Variants in SPATA31C1 observed in about 807,000 individuals in gnomAD.
The protein encoded by SPATA31C1 is SPATA31 subfamily C member 1, also known as spermatogenesis-associated protein 31C1.
chr9:87,919,474 G>GT (rs1828792189), intron 3 of SPATA31C1, 126 bp downstream of exon 2: 1 of 1,392,198 alleles, frequency 7.2e-7, no homozygotes, highest in Non-Finnish European at 9.7e-7. Context: ...AGAACCCTGG[G>GT]TCCTTCTCAG....
chr9:87,919,023 G>C (rs957329761), intron 2 of SPATA31C1: 2 of 545,686 alleles, frequency 3.7e-6, no homozygotes, highest in Non-Finnish European at 6.6e-6. Flanking sequence ...ACCTGCCTCG[G>C]CCTCCCAAAG....
exon 5 of SPATA31C1, chr9:87,922,953 G>A (rs1362415285): frequency 1.3e-6 from 2 of 1,572,794 alleles, no homozygotes; most frequent in Non-Finnish European, 1.7e-6. Flanking sequence ...AAGCCACTTT[G>A]GAGAAAACAT....
At chr9:87,922,621 T>A in exon 5 of SPATA31C1, 1 of 1,608,962 alleles carries the variant, frequency 6.2e-7, no homozygotes, top group Non-Finnish European at 8.5e-7. Flanking sequence ...GCTTCTCAAG[T>A]GCCCCAGGGC....
exon 5 of SPATA31C1, chr9:87,920,932 T>G (rs1395689205): frequency 6.2e-7 from 1 of 1,613,104 alleles, no homozygotes; most frequent in Admixed American, 1.7e-5. Context: ...TCCCAACCCT[T>G]TATTTCATCC....
At chr9:87,923,596 T>C (rs1587594380), downstream of SPATA31C1, 3 of 770,068 alleles carry the variant, frequency 3.9e-6, no homozygotes, top group African/African-American at 3.5e-5. Flanking sequence ...GAAAAGTATT[T>C]TCTCTCATGT....
exon 5 of SPATA31C1, chr9:87,922,137 T>C (rs1411680430): frequency 6.2e-7 from 1 of 1,613,710 alleles, no homozygotes; most frequent in Non-Finnish European, 8.5e-7. Flanking sequence ...CTCACCTGCA[T>C]GTAAGCAGTT....
rs764582660 is a variant in SPATA31C1 at position 87,920,509 on chromosome 9, C to T, written n.899C>T. Reference sequence around the variant, plus strand: ...CTAAGTGCCTCCCAGCCACCAGAACCTTCCCTTCTCCTAGAACGCCCCTCA... The same window carrying T: ...CTAAGTGCCTCCCAGCCACCAGAACTTTCCCTTCTCCTAGAACGCCCCTCA... On this transcript the variant is annotated non_coding_transcript_exon_variant, in exon 5 of 5. Coordinates refer to ENST00000420021, the Ensembl canonical transcript of SPATA31C1. The T allele has an allele frequency of 8.7e-6, 14 of 1,613,834 alleles. No individual in the cohort carries two copies. The East Asian group carries it at 2.0e-4, about 23-fold the overall frequency.
chr9:87,917,067 T>C (rs1387090966), intron 1 of SPATA31C1, among the ~76,000 whole-genome samples: 7 of 132,028 alleles, frequency 5.3e-5, no homozygotes, highest in African/African-American at 1.6e-4. Context: ...AGTACATAAA[T>C]AGAATTTTAA....
chr9:87,916,754 T>C (rs1373752561), intron 1 of SPATA31C1, among the ~76,000 whole-genome samples: 2 of 100,562 alleles, frequency 2.0e-5, no homozygotes, highest in Non-Finnish European at 5.4e-5. Context: ...TCCCAGCACT[T>C]TGGGAGGCCA....
At chr9:87,921,742 C>T (rs1359105127) in exon 5 of SPATA31C1, 1 of 1,612,086 alleles carries the variant, frequency 6.2e-7, no homozygotes, top group East Asian at 2.2e-5. Context: ...GTCAACCAGG[C>T]TTTTCCCGTA....
exon 5 of SPATA31C1, chr9:87,922,041 C>A: frequency 6.2e-7 from 1 of 1,613,550 alleles, no homozygotes; most frequent in South Asian, 1.1e-5. Context: ...GGTGGCCACG[C>A]TCCTTGGAGA....
chr9:87,921,575 C>G (rs1478010078), exon 5 of SPATA31C1: 4 of 1,611,868 alleles, frequency 2.5e-6, no homozygotes, highest in African/African-American at 2.7e-5. Flanking sequence ...CAGAAAGGAA[C>G]CTGAGGAAGC....
exon 5 of SPATA31C1, chr9:87,922,320 G>A: frequency 6.2e-7 from 1 of 1,611,512 alleles, no homozygotes; most frequent in Non-Finnish European, 8.5e-7. Context: ...AGAGACCAGG[G>A]AGGCAGTGCC....
intron 2 of SPATA31C1, chr9:87,918,912 A>G: frequency 8.5e-6 from 3 of 355,008 alleles, no homozygotes; most frequent in Non-Finnish European, 1.7e-5. Context: ...GCTGGGGATT[A>G]CAGGCGCCCG....
intron 4 of SPATA31C1, 72 bp from the exon 4 acceptor site, chr9:87,920,180 G>A: frequency 6.2e-7 from 1 of 1,603,426 alleles, no homozygotes; most frequent in Non-Finnish European, 8.5e-7. Flanking sequence ...AGGGGCTGTG[G>A]CCCAAGCGCC....
rs772670643 is a variant in SPATA31C1, at chr9:87,921,009, C to T, written n.1399C>T. The T allele has an allele frequency of 4.3e-6, 7 of 1,612,402 alleles. No individual in the cohort carries two copies. The East Asian group carries it at 1.6e-4, about 36-fold the overall frequency. The stretch of plus-strand genomic sequence containing the variant: ...TCAGGCCCATCTTCAATCCTCTTTC[C>T]CAGTCCTATCTCCTGCTTTTCTATC... On this transcript the variant is annotated non_coding_transcript_exon_variant, in exon 5 of 5. Coordinates refer to ENST00000420021, the Ensembl canonical transcript of SPATA31C1.
chr9:87,920,088 G>A (rs1828811377), intron 4 of SPATA31C1, 112 bp downstream of exon 3: 29 of 1,607,844 alleles, frequency 1.8e-5, no homozygotes, highest in Admixed American at 1.0e-4. Context: ...GACAGAGGAT[G>A]GGAGTAAAGC....
At chr9:87,921,662 C>A in exon 5 of SPATA31C1, 1 of 1,612,042 alleles carries the variant, frequency 6.2e-7, no homozygotes, top group Non-Finnish European at 8.5e-7. Context: ...TGAAAGCCCA[C>A]ATGGGCAGAA....
rs748053095 is a variant in SPATA31C1, at chr9:87,921,157, C to T, written n.1547C>T. 3.7e-6 allele frequency: 6 copies of T among 1,611,748 alleles called. No homozygotes were observed. The South Asian group carries it at 6.6e-5, about 18-fold the overall frequency. Reference sequence around the variant, plus strand: ...AGGAAACAACTAGAAGGTGGGTTGGCTTTACCCTCTAGGGTCCAAAAATCT... The same window carrying T: ...AGGAAACAACTAGAAGGTGGGTTGGTTTTACCCTCTAGGGTCCAAAAATCT... On this transcript the variant is annotated non_coding_transcript_exon_variant, in exon 5 of 5. Coordinates refer to ENST00000420021, the Ensembl canonical transcript of SPATA31C1.
Sources: gnomAD v4.1 joint callset for allele counts (sites outside exome capture counted in the v4.1 genomes callset) on GRCh38, gnomAD v4.1.1 for gene constraint, MANE v1.5 for transcripts, NCBI Gene and HGNC (gene_info 2026-07-23, HGNC 2026-07-21) for gene names.